ROGDI: variants seen among roughly 807,000 people sequenced by gnomAD.
The protein encoded by ROGDI is protein rogdi homolog.
Under a neutral mutation model 43.1 loss-of-function variants are expected in ROGDI, and 46 were observed. The observed-to-expected ratio is 1.07, with a 90% confidence interval of 0.84 to 1.37. The LOEUF is 1.37. Ranked by LOEUF, ROGDI falls within the 40% of genes most tolerant of loss-of-function variation. The pLI is 0.00. For missense variants in ROGDI, 518 were observed against 383.9 expected (o/e 1.35, Z -2.92); for synonymous variants, 243 against 162.0 (o/e 1.50, Z -3.80).
chr16:4,800,410 G>A, intron 5 of ROGDI, 88 bp downstream of exon 5: 1 of 1,058,664 alleles, frequency 9.4e-7, no homozygotes, highest in African/African-American at 1.6e-5. Flanking sequence ...CAGATCCCCA[G>A]GGCTAGTCCC....
Position 4,800,540 on chromosome 16 carries a change from C to T in ROGDI, c.294G>A (p.Leu98=). 1 of 1,566,324 alleles carries T rather than the reference C, an allele frequency of 6.4e-7. No homozygotes were observed. Among genetic ancestry groups the T allele is most frequent in the Non-Finnish European group, 8.7e-7 (1 of 1,154,732 alleles). Residue 98 remains leucine (L), a synonymous_variant, in exon 5 of 11, where the codon CTG becomes CTA. Coordinates refer to ENST00000322048, the MANE Select transcript of ROGDI (RefSeq NM_024589.3). ...GCTTGTCCTCCCGGAAGGCGAAGTG[C>T]AGCAGCTGGTTGTTCCGGGGCATCT... The part of the protein sequence containing the change: ...NLKMPRNNQL[L]HFAFREDKQW...
At chr16:4,798,205 G>A (rs1468397160) in intron 7 of ROGDI, 21 bp from the exon 8 acceptor site, 2 of 1,597,386 alleles carry the variant, frequency 1.3e-6, no homozygotes, top group Non-Finnish European at 1.7e-6. Flanking sequence ...CAGGTGGGAT[G>A]AGGCCCTCGC....
intron 7 of ROGDI, 134 bp downstream of exon 7, chr16:4,798,435 A>G: frequency 1.3e-6 from 1 of 798,658 alleles, no homozygotes; most frequent in Admixed American, 2.9e-5. Flanking sequence ...CAAGGACCCC[A>G]TCCCAGAAAC....
At chr16:4,799,894 G>T in intron 5 of ROGDI, 113 bp from the exon 6 acceptor site, 1 of 755,782 alleles carries the variant, frequency 1.3e-6, no homozygotes, top group Non-Finnish European at 2.2e-6. Context: ...TGTCATCCCT[G>T]TGCCCCAGAG....
At chr16:4,798,467 C>G in intron 7 of ROGDI, 102 bp downstream of exon 7, 1 of 924,634 alleles carries the variant, frequency 1.1e-6, no homozygotes, top group Non-Finnish European at 1.6e-6. Flanking sequence ...GAATATTCCA[C>G]CTATAATCTG....
At position 4,797,706 on chromosome 16, in the gene ROGDI, G is replaced by T; in HGVS notation, c.822+8C>A. 8.2e-7 allele frequency: 1 copy of T among 1,225,482 alleles called. No homozygotes were observed. The highest frequency in any genetic ancestry group is 1.0e-6 in the Non-Finnish European group (1 of 963,236). The allele number at this position is 1,225,482 out of a possible 1,614,324, so 75.9% of individuals were successfully genotyped here. ...TTCCCCTAATGAAGGCGCTCGGCCCGGGCCCACCTTGTCCTTGAGCTGCTG... is the reference window on the plus strand; with the variant it reads ...TTCCCCTAATGAAGGCGCTCGGCCCTGGCCCACCTTGTCCTTGAGCTGCTG... On this transcript the variant is annotated splice_region_variant and intron_variant, in intron 10 of 10. Coordinates refer to ENST00000322048, the MANE Select transcript of ROGDI (RefSeq NM_024589.3).
chr16:4,797,232 A>G lies in ROGDI; in HGVS notation c.*228T>C. On this transcript the variant is annotated 3_prime_UTR_variant, in exon 11 of 11. Coordinates refer to ENST00000322048, the MANE Select transcript of ROGDI (RefSeq NM_024589.3). ...CAGAGGGCGGTGTTGGGAATGTGGGACACCCTTGGCCCCGCCTCCCTGACC... is the reference window on the plus strand; with the variant it reads ...CAGAGGGCGGTGTTGGGAATGTGGGGCACCCTTGGCCCCGCCTCCCTGACC... The G allele has an allele frequency of 1.9e-6, 1 of 516,336 alleles. No individual in the cohort carries two copies. Among genetic ancestry groups the G allele is most frequent in the Non-Finnish European group, 3.5e-6 (1 of 288,302 alleles). The allele number at this position is 516,336 out of a possible 1,614,324, so 32.0% of individuals were successfully genotyped here. A position where few individuals can be genotyped will look rare whatever the true frequency, so the allele number is the denominator to read the frequency against.
At chr16:4,800,462 T>C in intron 5 of ROGDI, 36 bp downstream of exon 5, 1 of 1,527,880 alleles carries the variant, frequency 6.5e-7, no homozygotes, top group Non-Finnish European at 8.9e-7. Flanking sequence ...CCGCCTGTCC[T>C]TGTGGCTGAG....
intron 4 of ROGDI, 169 bp downstream of exon 4, chr16:4,801,098 G>A (rs1045145957): frequency 3.5e-6 from 2 of 573,282 alleles, no homozygotes; most frequent in African/African-American, 1.9e-5. Flanking sequence ...TCTGCACACC[G>A]ATCCCGGGAG....
At chr16:4,800,952 G>A in intron 4 of ROGDI, 1 of 506,632 alleles carries the variant, frequency 2.0e-6, no homozygotes, top group Non-Finnish European at 3.5e-6. Context: ...AGAGTCGGGT[G>A]CAGACTGGAG....
chr16:4,798,011 G>A (rs369469054), intron 8 of ROGDI, 24 bp from the exon 9 acceptor site: 52 of 1,613,336 alleles, frequency 3.2e-5, no homozygotes, highest in Middle Eastern at 3.3e-4. Context: ...CACCAGACCC[G>A]TCAGGCCTTG....
Position 4,797,332 on chromosome 16 carries a change from T to G in ROGDI, c.*128A>C. 6.5e-6 allele frequency: 5 copies of G among 769,830 alleles called. No homozygotes were observed. The highest frequency in any genetic ancestry group is 1.0e-5 in the Non-Finnish European group (5 of 476,594). 47.7% of individuals were successfully genotyped at this position (769,830 alleles called of 1,614,324 possible). On this transcript the variant is annotated 3_prime_UTR_variant, in exon 11 of 11. Transcript: ENST00000322048. ...GTCCATTCCCGGCAGTGCAAATGTG[T>G]TAGGTGGGGTAGGGGGTGGGATAGG... is the stretch of plus-strand genomic sequence containing the variant.
chr16:4,801,794 G>T lies in ROGDI; in HGVS notation c.118-209C>A, dbSNP rs542339983. 8.3e-6 allele frequency: 5 copies of T among 602,894 alleles called. No individual in the cohort carries two copies. In the Admixed American group the frequency reaches 1.4e-4, roughly 17 times the overall value. 37.3% of individuals were successfully genotyped at this position (602,894 alleles called of 1,614,324 possible). A position where few individuals can be genotyped will look rare whatever the true frequency, so the allele number is the denominator to read the frequency against. ...GATCTCTGCTTATACCACATTCCCT[G>T]AACACCTCCTGTGTGCCCGCCTCGG... On this transcript the variant is annotated intron_variant, in intron 2 of 10. Coordinates refer to ENST00000322048, the MANE Select transcript of ROGDI (RefSeq NM_024589.3).
Position 4,797,461 on chromosome 16 carries a change from C to G in ROGDI, c.863G>C (p.Ter288SerextTer129), listed in dbSNP as rs2082664118. The G allele has an allele frequency of 6.2e-7, 1 of 1,612,980 alleles. No homozygotes were observed. Among genetic ancestry groups the G allele is most frequent in the Non-Finnish European group, 8.5e-7 (1 of 1,179,480 alleles). ...FSSYWSYRPF[*>S] The stretch of plus-strand genomic sequence containing the variant: ...GAGACAAGCTCCTGGGTGCTGTGAT[C>G]AGAAGGGTCTGTAGCTCCAGTAGCT... Residue 288 changes from the stop codon to serine, a stop_lost, in exon 11 of 11, where the codon TGA (stop) becomes TCA (serine). Transcript: ENST00000322048.
intron 4 of ROGDI, 56 bp downstream of exon 4, chr16:4,801,211 G>A (rs776606626): frequency 4.9e-6 from 7 of 1,420,054 alleles, no homozygotes; most frequent in Non-Finnish European, 6.8e-6. Context: ...GAAAGTGGGA[G>A]CTCCCATGCT....
chr16:4,799,676 G>A lies in ROGDI; in HGVS notation c.432+10C>T. ...ACTAGGCCCAGGAGTCAGGCCCGGG[G>A]GCAGCTCACCTTGAGGACCTCAGCG... On this transcript the variant is annotated intron_variant, in intron 6 of 10. Transcript: ENST00000322048. 1 of 1,607,900 alleles carries A rather than the reference G, an allele frequency of 6.2e-7. No homozygotes were observed. The highest frequency in any genetic ancestry group is 1.3e-5 in the African/African-American group (1 of 74,872).
intron 4 of ROGDI, 199 bp downstream of exon 4, chr16:4,801,068 C>G: frequency 5.5e-6 from 3 of 548,018 alleles, no homozygotes; most frequent in Non-Finnish European, 9.7e-6. Context: ...AAGAACCCCT[C>G]TCCTGCACCT....
chr16:4,800,687 T>C, intron 4 of ROGDI, 109 bp from the exon 5 acceptor site: 2 of 892,948 alleles, frequency 2.2e-6, no homozygotes, highest in South Asian at 3.0e-5. Flanking sequence ...GGTTCAGGCC[T>C]TGGCCGCTGT....
Position 4,797,705 on chromosome 16 carries a change from CG to C in ROGDI, c.822+8del. 6.2e-7 allele frequency: 1 copy of C among 1,614,034 alleles called. No homozygotes were observed. The highest frequency in any genetic ancestry group is 1.1e-5 in the South Asian group (1 of 91,076). On this transcript the variant is annotated splice_region_variant and intron_variant, in intron 10 of 10. Coordinates refer to ENST00000322048, the MANE Select transcript of ROGDI (RefSeq NM_024589.3). ...CTTCCCCTAATGAAGGCGCTCGGCC[CG>C]GGCCCACCTTGTCCTTGAGCTGCTG...
Sources: allele counts gnomAD v4.1 joint callset, GRCh38; gene constraint gnomAD v4.1.1; transcripts MANE v1.5; gene names NCBI Gene and HGNC (gene_info 2026-07-23, HGNC 2026-07-21).